The following ADK variants were observed in gnomAD, a reference collection of about 807,000 sequenced individuals.
The protein encoded by ADK is adenosine kinase.
Under a neutral mutation model 44.7 loss-of-function variants are expected in ADK, and 24 were observed. The observed-to-expected ratio is 0.54, with a 90% confidence interval of 0.39 to 0.76. ADK has a LOEUF of 0.76. Among genes scored for constraint, ADK ranks in the 30% least tolerant of loss-of-function variants. ADK has a pLI of 0.00. For missense variants in ADK, 321 were observed against 425.1 expected, an observed-to-expected ratio of 0.76 and a Z score of 2.15; for synonymous variants, 128 against 142.6, an observed-to-expected ratio of 0.90 and a Z score of 0.73.
chr10:74,357,067 A>T (rs1057057572), intron 4 of ADK, among the ~76,000 whole-genome samples: 3 of 152,148 alleles, frequency 2.0e-5, no homozygotes, highest in African/African-American at 4.8e-5. Context: ...GATGCTCTCT[A>T]CTGTATGCAC....
intron 6 of ADK, chr10:74,509,494 A>C (rs1848219278): frequency 6.6e-6 from 1 of 152,252 alleles, no homozygotes; most frequent in South Asian, 2.1e-4. Context: ...CCCGGCCCAT[A>C]ATGATGTTTT....
At chr10:74,388,134 C>T (rs531588835) in intron 4 of ADK, among the ~76,000 whole-genome samples, 1 of 152,186 alleles carries the variant, frequency 6.6e-6, no homozygotes, top group South Asian at 2.1e-4. Context: ...CTTGAACTCC[C>T]AACCTCAGGT....
intron 10 of ADK, among the ~76,000 whole-genome samples, chr10:74,707,433 G>A (rs930600325): frequency 3.3e-5 from 5 of 151,836 alleles, no homozygotes; most frequent in East Asian, 1.9e-4. Context: ...TAGTAGAGAC[G>A]GTGTTTCACC....
chr10:74,435,426 T>C (rs1381875270), intron 6 of ADK, among the ~76,000 whole-genome samples: 2 of 152,168 alleles, frequency 1.3e-5, no homozygotes, highest in Admixed American at 1.3e-4. Flanking sequence ...TCCACAGTCA[T>C]GTGGTTAGTA....
chr10:74,442,251 C>T (rs888977155), intron 6 of ADK, among the ~76,000 whole-genome samples: 6 of 151,972 alleles, frequency 3.9e-5, no homozygotes, highest in Admixed American at 1.3e-4. Context: ...CCCTTGTTAG[C>T]GGGAATGTAA....
At chr10:74,381,789 AAT>A (rs1419998679) in intron 4 of ADK, among the ~76,000 whole-genome samples, 1 of 152,314 alleles carries the variant, frequency 6.6e-6, no homozygotes, top group East Asian at 1.9e-4. Context: ...GGGGTAATTT[AAT>A]AGAGGCTGTC....
chr10:74,551,545 CT>C (rs1850035759), intron 7 of ADK: 2 of 152,122 alleles, frequency 1.3e-5, no homozygotes, highest in African/African-American at 4.8e-5. Context: ...AATTGAGGAC[CT>C]TTCCCCAGAA....
At chr10:74,270,533 G>A (rs1056891677) in intron 3 of ADK, among the ~76,000 whole-genome samples, 9 of 152,154 alleles carry the variant, frequency 5.9e-5, no homozygotes, top group African/African-American at 2.2e-4. Flanking sequence ...AAAGAGCTAG[G>A]ATTACAGGTG....
intron 3 of ADK, among the ~76,000 whole-genome samples, chr10:74,275,854 T>C (rs1291230218): frequency 6.6e-6 from 1 of 152,162 alleles, no homozygotes; most frequent in African/African-American, 2.4e-5. Flanking sequence ...TTGGCCAGGC[T>C]GTTCTTTAAC....
intron 6 of ADK, among the ~76,000 whole-genome samples, chr10:74,473,980 C>G (rs1211229549): frequency 1.3e-5 from 2 of 152,150 alleles, no homozygotes; most frequent in African/African-American, 4.8e-5. Flanking sequence ...TGATTTATAG[C>G]ATTTATTAGT....
In ADK at chr10:74,681,781, C is replaced by T. The variant is rs191627913; in HGVS notation, c.964+11512C>T. Among the ~76,000 whole-genome samples, 32 of 147,706 alleles carry T rather than the reference C, an allele frequency of 2.2e-4. No individual in the cohort carries two copies. In the East Asian group the frequency reaches 6.4e-3, roughly 29 times the overall value. On this transcript the variant is annotated intron_variant, in intron 10 of 10. Coordinates refer to ENST00000539909, the MANE Select transcript of ADK (RefSeq NM_006721.4). ...AGGACAATTGCTTGAACCTGGGAGG[C>T]AGAGGTTGCAGTAACCCAAGATCAC...
chr10:74,309,844 C>T (rs570405657), intron 3 of ADK, among the ~76,000 whole-genome samples: 7 of 151,920 alleles, frequency 4.6e-5, no homozygotes, highest in Non-Finnish European at 8.8e-5. Context: ...AAGGACATCC[C>T]GTATTATATT....
rs372204635 is a variant in ADK, at chr10:74,389,755, G to A, written c.274-4386G>A. On this transcript the variant is annotated intron_variant, in intron 4 of 10. Coordinates refer to ENST00000539909, the MANE Select transcript of ADK (RefSeq NM_006721.4). ...TGAAATATTCGATAGTAAAAGGATA[G>A]CAAAGTTGCTGAATATTTCTACTGT... Among the ~76,000 whole-genome samples the A allele has an allele frequency of 7.9e-5, 12 of 152,162 alleles. No homozygotes were observed. In the East Asian group the frequency reaches 2.3e-3, roughly 29 times the overall value.
chr10:74,309,190 C>T (rs1039692333), intron 3 of ADK, among the ~76,000 whole-genome samples: 3 of 151,870 alleles, frequency 2.0e-5, no homozygotes, highest in South Asian at 4.1e-4. Context: ...CCTTATTGTT[C>T]TCTTCACTTT....
chr10:74,262,462 AAGGAG>A (rs1846073966), intron 3 of ADK, among the ~76,000 whole-genome samples: 1 of 152,152 alleles, frequency 6.6e-6, no homozygotes, highest in Non-Finnish European at 1.5e-5. Context: ...CAGGGAAGGC[AAGGAG>A]AGGAAGAAGC....
rs1843130252 is a variant in ADK at position 74,386,074 on chromosome 10, G to T, written c.274-8067G>T. 3.3e-5 allele frequency among the ~76,000 whole-genome samples: 5 copies of T among 152,094 alleles called. No homozygotes were observed. The South Asian group carries it at 1.0e-3, about 32-fold the overall frequency. On this transcript the variant is annotated intron_variant, in intron 4 of 10. Coordinates refer to ENST00000539909, the MANE Select transcript of ADK (RefSeq NM_006721.4). ...GTGTTTTGCCCTGTCTCACTTGGTGGTATTGTAATCATCTGAGAATCTATC... is the reference window on the plus strand; with the variant it reads ...GTGTTTTGCCCTGTCTCACTTGGTGTTATTGTAATCATCTGAGAATCTATC...
At chr10:74,163,360 A>G (rs1251264315) in intron 1 of ADK, among the ~76,000 whole-genome samples, 1 of 152,198 alleles carries the variant, frequency 6.6e-6, no homozygotes, top group African/African-American at 2.4e-5. Context: ...GGAGGAATAG[A>G]GTTTCTGAAA....
At chr10:74,175,374 C>CAAA (rs1224759058) in intron 1 of ADK, among the ~76,000 whole-genome samples, 1 of 87,148 alleles carries the variant, frequency 1.1e-5, no homozygotes. Context: ...GACTCCAGCT[C>CAAA]AAAAAAAAAA....
At chr10:74,539,159 T>TA (rs1849548200) in intron 7 of ADK, among the ~76,000 whole-genome samples, 1 of 152,186 alleles carries the variant, frequency 6.6e-6, no homozygotes, top group Non-Finnish European at 1.5e-5. Context: ...TTTGAATTTT[T>TA]AAAAAATTTT....
Sources: gnomAD v4.1 joint callset for allele counts (sites outside exome capture counted in the v4.1 genomes callset) on GRCh38, gnomAD v4.1.1 for gene constraint, MANE v1.5 for transcripts, NCBI Gene and HGNC (gene_info 2026-07-23, HGNC 2026-07-21) for gene names.